The following FAM53B variants were observed in gnomAD, a reference collection of about 807,000 sequenced individuals.
FAM53B encodes protein FAM53B.
In FAM53B, 12 loss-of-function variants were observed where a neutral mutation model predicts 32.7. The ratio of observed to expected loss-of-function variants is 0.37; its 90% CI spans 0.24 to 0.59. The LOEUF is 0.59. FAM53B is among the 20% of genes least tolerant of loss of function. FAM53B has a pLI of 0.72. For synonymous variants in FAM53B, 234 were observed against 228.7 expected, an observed-to-expected ratio of 1.02 and a Z score of -0.21; for missense variants, 477 against 577.7, an observed-to-expected ratio of 0.83 and a Z score of 1.79.
chr10:124,638,877 G>GC (rs1379663306), intron 4 of FAM53B, among the ~76,000 whole-genome samples: 1 of 152,224 alleles, frequency 6.6e-6, no homozygotes, highest in Non-Finnish European at 1.5e-5. Flanking sequence ...GCTCCTCTGG[G>GC]CTCAGCTGGC....
At chr10:124,649,744 G>A (rs1458175026) in intron 4 of FAM53B, among the ~76,000 whole-genome samples, 2 of 152,152 alleles carry the variant, frequency 1.3e-5, no homozygotes, top group Non-Finnish European at 2.9e-5. Flanking sequence ...CTCACACACT[G>A]GGAAGTGTGC....
chr10:124,637,417 G>C (rs1039783874), intron 4 of FAM53B, among the ~76,000 whole-genome samples: 5 of 152,176 alleles, frequency 3.3e-5, no homozygotes, highest in African/African-American at 2.4e-5. Flanking sequence ...CTTGAGCCCC[G>C]GGTGTCCCTG....
At chr10:124,716,189 G>T (rs746563521) in intron 1 of FAM53B, among the ~76,000 whole-genome samples, 31 of 152,144 alleles carry the variant, frequency 2.0e-4, no homozygotes, top group Non-Finnish European at 1.5e-5. Flanking sequence ...AGTAACTGGG[G>T]CTAAAACATA....
At chr10:124,627,680 TAG>T (rs1949363921) in intron 4 of FAM53B, among the ~76,000 whole-genome samples, 2 of 152,166 alleles carry the variant, frequency 1.3e-5, no homozygotes, top group Non-Finnish European at 2.9e-5. Context: ...AGCAGCCTGC[TAG>T]AGAGGCAACT....
intron 4 of FAM53B, among the ~76,000 whole-genome samples, chr10:124,652,510 C>G (rs1330925964): frequency 2.6e-5 from 4 of 152,164 alleles, no homozygotes; most frequent in Non-Finnish European, 4.4e-5. Context: ...CGGTGATAAC[C>G]CTGGGTGACC....
intron 4 of FAM53B, among the ~76,000 whole-genome samples, chr10:124,626,956 C>T (rs1010914388): frequency 6.6e-6 from 1 of 152,236 alleles, no homozygotes; most frequent in Non-Finnish European, 1.5e-5. Flanking sequence ...CAGGGGGAGT[C>T]TACAAGGAAG....
intron 1 of FAM53B, among the ~76,000 whole-genome samples, chr10:124,743,719 T>G (rs1252380618): frequency 6.6e-6 from 1 of 151,464 alleles, no homozygotes; most frequent in Non-Finnish European, 1.5e-5. Context: ...GAGCGCAGAC[T>G]TTTCCGCCGC....
intron 1 of FAM53B, among the ~76,000 whole-genome samples, chr10:124,718,106 A>G (rs1950047740): frequency 6.6e-6 from 1 of 151,918 alleles, no homozygotes; most frequent in Non-Finnish European, 1.5e-5. Context: ...TGATCTCTTT[A>G]TCTAGGAGGC....
rs528067085 is a variant in FAM53B at position 124,698,705 on chromosome 10, A to G, written c.79-2493T>C. Among the ~76,000 whole-genome samples the G allele has an allele frequency of 2.4e-3, 358 of 152,136 alleles. 2 individuals carry two copies. Among genetic ancestry groups the G allele is most frequent in the African/African-American group, 8.1e-3 (336 of 41,484 alleles). ...CCCACCATTGGCCCTGATCCCAGCCACTGCCAGCCCCAGTGAACGCCCCTC... is the reference window on the plus strand; with the variant it reads ...CCCACCATTGGCCCTGATCCCAGCCGCTGCCAGCCCCAGTGAACGCCCCTC... On this transcript the variant is annotated intron_variant, in intron 2 of 4. Coordinates refer to ENST00000337318, the MANE Select transcript of FAM53B (RefSeq NM_014661.4).
At chr10:124,719,313 G>T (rs966482785) in intron 1 of FAM53B, among the ~76,000 whole-genome samples, 1 of 152,128 alleles carries the variant, frequency 6.6e-6, no homozygotes. Flanking sequence ...CTCTGGATAT[G>T]ACAATCAGGC....
intron 2 of FAM53B, among the ~76,000 whole-genome samples, chr10:124,698,875 T>C (rs1311131638): frequency 2.0e-5 from 3 of 152,184 alleles, no homozygotes; most frequent in African/African-American, 4.8e-5. Flanking sequence ...TCCCGGCCAC[T>C]ACCTCTCCTC....
chr10:124,724,992 C>T (rs576557557), intron 1 of FAM53B, among the ~76,000 whole-genome samples: 25 of 152,328 alleles, frequency 1.6e-4, no homozygotes, highest in African/African-American at 5.5e-4. Context: ...CACACAGAAA[C>T]GCTCCATTCA....
At chr10:124,669,666 G>C (rs1294282643) in intron 4 of FAM53B, among the ~76,000 whole-genome samples, 2 of 152,212 alleles carry the variant, frequency 1.3e-5, no homozygotes, top group African/African-American at 4.8e-5. Flanking sequence ...CAGACTTCCC[G>C]GGGCCCTGTG....
chr10:124,721,284 T>C (rs1950067152), intron 1 of FAM53B, among the ~76,000 whole-genome samples: 1 of 152,250 alleles, frequency 6.6e-6, no homozygotes, highest in Non-Finnish European at 1.5e-5. Flanking sequence ...TCCCACATCC[T>C]GGCAGGTCCC....
intron 1 of FAM53B, among the ~76,000 whole-genome samples, chr10:124,739,013 GTACA>G (rs1950186046): frequency 6.8e-6 from 1 of 147,712 alleles, no homozygotes; most frequent in South Asian, 2.1e-4. Context: ...TGGTCCTACA[GTACA>G]TACAGATTCC....
chr10:124,687,683 TTTGG>T (rs1949810886), intron 3 of FAM53B, among the ~76,000 whole-genome samples: 1 of 152,226 alleles, frequency 6.6e-6, no homozygotes, highest in African/African-American at 2.4e-5. Context: ...AGGAGCATCC[TTTGG>T]GGGTGTTTGT....
chr10:124,698,381 C>A (rs371107869), intron 2 of FAM53B, among the ~76,000 whole-genome samples: 1 of 152,112 alleles, frequency 6.6e-6, no homozygotes, highest in African/African-American at 2.4e-5. Flanking sequence ...AGTGAGCCGC[C>A]CCTGCCTGGC....
Position 124,691,706 on chromosome 10 carries a change from G to C in FAM53B, c.133+4452C>G, listed in dbSNP as rs138010731. Among the ~76,000 whole-genome samples the C allele has an allele frequency of 3.5e-3, 529 of 152,336 alleles. 4 individuals are homozygous for C. Among genetic ancestry groups the C allele is most frequent in the African/African-American group, 0.012 (513 of 41,574 alleles). On this transcript the variant is annotated intron_variant, in intron 3 of 4. Transcript: ENST00000337318. ...GAATGGCTGCAATTAGCCAAGGGTG[G>C]TGAATGGAGACTGCGCTCACTCCAC...
rs548852960 is a variant in FAM53B, at chr10:124,705,052, T to A, written c.78+1584A>T. Among the ~76,000 whole-genome samples the A allele has an allele frequency of 1.6e-4, 24 of 152,314 alleles. No homozygotes were observed. The South Asian group carries it at 3.9e-3, about 25-fold the overall frequency. Reference sequence around the variant, plus strand: ...ATCGAGCAAACACACCTCAGGTGCCTGCTGTCTGCCCTGCCTCAGTAGTGC... The same window carrying A: ...ATCGAGCAAACACACCTCAGGTGCCAGCTGTCTGCCCTGCCTCAGTAGTGC... On this transcript the variant is annotated intron_variant, in intron 2 of 4. Transcript: ENST00000337318.
Sources: gnomAD v4.1 joint callset for allele counts (sites outside exome capture counted in the v4.1 genomes callset) on GRCh38, gnomAD v4.1.1 for gene constraint, MANE v1.5 for transcripts, NCBI Gene and HGNC (gene_info 2026-07-23, HGNC 2026-07-21) for gene names.